Variants in ARHGAP24 observed in about 807,000 individuals in gnomAD.
ARHGAP24 encodes the protein rho GTPase-activating protein 24.
In ARHGAP24, 50 loss-of-function variants were observed where a neutral mutation model predicts 76.4. That is an observed-to-expected ratio of 0.65 (90% confidence interval 0.52 to 0.83). ARHGAP24 has a LOEUF of 0.83. Among genes scored for constraint, ARHGAP24 ranks in the 40% least tolerant of loss-of-function variants. The probability of loss-of-function intolerance (pLI) is 0.00; values close to 1 mark genes in which losing one functional copy is unlikely to be tolerated. For synonymous variants in ARHGAP24, 345 were observed against 323.3 expected (o/e 1.07, Z -0.72); for missense variants, 930 against 914.2 (o/e 1.02, Z -0.22).
At chr4:85,530,325 C>A (rs1725208302) in intron 1 of ARHGAP24, among the ~76,000 whole-genome samples, 1 of 151,938 alleles carries the variant, frequency 6.6e-6, no homozygotes, top group Admixed American at 6.6e-5. Context: ...CACAGAGTGG[C>A]ACTACCTTAT....
chr4:85,723,995 C>A (rs145647754), intron 3 of ARHGAP24, among the ~76,000 whole-genome samples: 1 of 152,100 alleles, frequency 6.6e-6, no homozygotes, highest in East Asian at 1.9e-4. Context: ...TCAATTTTTT[C>A]AATGGTGTAA....
intron 2 of ARHGAP24, among the ~76,000 whole-genome samples, chr4:85,622,635 T>A (rs890327158): frequency 1.2e-4 from 18 of 152,288 alleles, no homozygotes; most frequent in African/African-American, 4.1e-4. Flanking sequence ...CTGGGTTAAA[T>A]GGTATTTCTA....
At chr4:85,525,293 G>T (rs1578007744) in intron 1 of ARHGAP24, among the ~76,000 whole-genome samples, 2 of 129,236 alleles carry the variant, frequency 1.5e-5, no homozygotes, top group South Asian at 2.4e-4. Flanking sequence ...TCACATTTGT[G>T]GCTCCTTTTA....
chr4:85,549,702 T>C (rs1303612471), intron 1 of ARHGAP24, among the ~76,000 whole-genome samples: 1 of 152,204 alleles, frequency 6.6e-6, no homozygotes, highest in African/African-American at 2.4e-5. Context: ...ATTATTTCAC[T>C]ACCCCAGGTA....
chr4:85,869,590 C>T (rs1732410360), intron 3 of ARHGAP24, among the ~76,000 whole-genome samples: 2 of 152,120 alleles, frequency 1.3e-5, no homozygotes, highest in African/African-American at 4.8e-5. Flanking sequence ...TATTTTGACA[C>T]CTACCTGATG....
At chr4:85,881,108 C>T (rs985955728) in intron 3 of ARHGAP24, among the ~76,000 whole-genome samples, 9 of 152,068 alleles carry the variant, frequency 5.9e-5, no homozygotes, top group African/African-American at 2.2e-4. Context: ...ACTGTGATAC[C>T]GCAACAATCT....
intron 3 of ARHGAP24, among the ~76,000 whole-genome samples, chr4:85,772,013 T>C (rs1727149475): frequency 1.3e-5 from 2 of 152,196 alleles, no homozygotes; most frequent in South Asian, 4.1e-4. Context: ...CTGGTTGTTC[T>C]ATACCATTTT....
intron 5 of ARHGAP24, among the ~76,000 whole-genome samples, chr4:85,971,101 A>G (rs1738946804): frequency 6.6e-6 from 1 of 152,206 alleles, no homozygotes; most frequent in Non-Finnish European, 1.5e-5. Context: ...GAACATTCTA[A>G]GGATTCCCAG....
At chr4:85,888,612 C>T (rs28658284) in intron 3 of ARHGAP24, among the ~76,000 whole-genome samples, 1 of 151,306 alleles carries the variant, frequency 6.6e-6, no homozygotes, top group Non-Finnish European at 1.5e-5. Context: ...AATTGTTTTT[C>T]TTTTTTTTAA....
At chr4:85,537,579 G>A (rs965556215) in intron 1 of ARHGAP24, among the ~76,000 whole-genome samples, 2 of 151,968 alleles carry the variant, frequency 1.3e-5, no homozygotes, top group Non-Finnish European at 2.9e-5. Context: ...CAAAAAAAAA[G>A]AGTATTGCCT....
At chr4:85,524,535 C>A (rs1398336843) in intron 1 of ARHGAP24, among the ~76,000 whole-genome samples, 1 of 152,122 alleles carries the variant, frequency 6.6e-6, no homozygotes, top group Non-Finnish European at 1.5e-5. Flanking sequence ...CACAGCCCTG[C>A]ATGATTGATG....
At chr4:85,739,313 G>A (rs1725730733) in intron 3 of ARHGAP24, among the ~76,000 whole-genome samples, 1 of 152,172 alleles carries the variant, frequency 6.6e-6, no homozygotes, top group Non-Finnish European at 1.5e-5. Flanking sequence ...CTTAGGACTT[G>A]CCATAAGTCA....
chr4:85,894,996 A>AG (rs1734082233), intron 3 of ARHGAP24, among the ~76,000 whole-genome samples: 3 of 34,222 alleles, frequency 8.8e-5, no homozygotes, highest in Non-Finnish European at 5.8e-5. Context: ...AAACAAAACA[A>AG]AAAGCAAAAA....
intron 2 of ARHGAP24, among the ~76,000 whole-genome samples, chr4:85,630,244 G>T (rs901834710): frequency 3.3e-5 from 5 of 152,114 alleles, no homozygotes; most frequent in Non-Finnish European, 7.4e-5. Context: ...TTGTTCATAT[G>T]TTGTTTTCCT....
At chr4:85,604,923 A>G (rs1317503666) in intron 2 of ARHGAP24, among the ~76,000 whole-genome samples, 1 of 151,886 alleles carries the variant, frequency 6.6e-6, no homozygotes, top group African/African-American at 2.4e-5. Context: ...CATGTTGGTC[A>G]GGTTGGTCTT....
At chr4:85,655,008 TTC>T (rs1722088190) in intron 2 of ARHGAP24, among the ~76,000 whole-genome samples, 1 of 152,228 alleles carries the variant, frequency 6.6e-6, no homozygotes, top group South Asian at 2.1e-4. Context: ...TTTAATTCTT[TTC>T]CTCCCTTATA....
At chr4:85,512,459 G>A (rs547914463) in intron 1 of ARHGAP24, among the ~76,000 whole-genome samples, 1 of 152,276 alleles carries the variant, frequency 6.6e-6, no homozygotes, top group East Asian at 1.9e-4. Flanking sequence ...GTCACTCAGG[G>A]CCATTATAGT....
chr4:85,652,892 G>GT (rs200607936), intron 2 of ARHGAP24, among the ~76,000 whole-genome samples: 56 of 152,050 alleles, frequency 3.7e-4, no homozygotes, highest in African/African-American at 1.3e-3. Flanking sequence ...GATTTTCTGA[G>GT]TTTTTTGTTT....
chr4:85,958,229 A>T (rs1342532423), intron 5 of ARHGAP24, among the ~76,000 whole-genome samples: 1 of 152,208 alleles, frequency 6.6e-6, no homozygotes, highest in African/African-American at 2.4e-5. Context: ...AGAAATCATA[A>T]TGTCTAATCT....
Sources: allele counts gnomAD v4.1 joint callset (sites outside exome capture counted in the v4.1 genomes callset), GRCh38; gene constraint gnomAD v4.1.1; transcripts MANE v1.5; gene names NCBI Gene and HGNC (gene_info 2026-07-23, HGNC 2026-07-21).